OPCML: variants seen among roughly 807,000 people sequenced by gnomAD.
OPCML encodes the protein opioid binding protein/cell adhesion molecule like, also known as opioid-binding protein/cell adhesion molecule.
Under a neutral mutation model 37.8 loss-of-function variants are expected in OPCML, and 13 were observed. That is an observed-to-expected ratio of 0.34 (90% confidence interval 0.22 to 0.55). The LOEUF is 0.55. Ranked by LOEUF, OPCML falls within the 20% of genes least tolerant of loss-of-function variation. OPCML has a pLI of 0.91. For missense variants in OPCML, 341 were observed against 435.6 expected (o/e 0.78, Z 1.93); for synonymous variants, 176 against 168.8 (o/e 1.04, Z -0.33).
intron 2 of OPCML, among the ~76,000 whole-genome samples, chr11:132,783,018 A>G (rs1007963851): frequency 5.3e-5 from 8 of 150,970 alleles, no homozygotes; most frequent in Non-Finnish European, 7.4e-5. Flanking sequence ...TAGAGCAGAA[A>G]TCTGATTTTT....
At chr11:133,126,919 GGAGA>G (rs142632562) in intron 1 of OPCML, among the ~76,000 whole-genome samples, 1,940 of 152,276 alleles carry the variant, frequency 0.013, 36 homozygotes, top group African/African-American at 0.045. Context: ...GGGCAGGTAG[GGAGA>G]GATATGGTTC....
intron 1 of OPCML, among the ~76,000 whole-genome samples, chr11:133,042,568 C>G (rs1229745900): frequency 6.6e-6 from 1 of 152,142 alleles, no homozygotes; most frequent in African/African-American, 2.4e-5. Context: ...GGACTCTAAT[C>G]CCAAACACAG....
At chr11:132,587,874 A>G (rs960430172) in intron 3 of OPCML, among the ~76,000 whole-genome samples, 1 of 152,160 alleles carries the variant, frequency 6.6e-6, no homozygotes, top group African/African-American at 2.4e-5. Context: ...GAGACCAAAG[A>G]GTAGAAGTAG....
At chr11:133,292,672 T>G (rs1272022321) in intron 1 of OPCML, among the ~76,000 whole-genome samples, 1 of 152,170 alleles carries the variant, frequency 6.6e-6, no homozygotes, top group Non-Finnish European at 1.5e-5. Context: ...AAAACATGTC[T>G]TAATAAACTG....
At chr11:132,835,624 T>C (rs1940959451) in intron 2 of OPCML, among the ~76,000 whole-genome samples, 1 of 152,212 alleles carries the variant, frequency 6.6e-6, no homozygotes, top group South Asian at 2.1e-4. Flanking sequence ...TACAATCAAG[T>C]CATGGTGGGA....
chr11:133,008,147 G>A, intron 1 of OPCML: 1 of 985,398 alleles, frequency 1.0e-6, no homozygotes, highest in Non-Finnish European at 1.2e-6. Context: ...GCAGAAAGAT[G>A]GCTTTAAAAT....
At chr11:133,062,825 C>CT (rs1250149328) in intron 1 of OPCML, among the ~76,000 whole-genome samples, 2 of 152,246 alleles carry the variant, frequency 1.3e-5, no homozygotes, top group Admixed American at 6.5e-5. Context: ...GCCCCTGAGC[C>CT]TCTGCCTTGC....
chr11:133,025,965 C>T, intron 1 of OPCML: 2 of 587,118 alleles, frequency 3.4e-6, no homozygotes, highest in Non-Finnish European at 4.3e-6. Context: ...GAACTCCTGA[C>T]CTCAGGTGAT....
chr11:133,188,525 A>G (rs1442345875), intron 1 of OPCML, among the ~76,000 whole-genome samples: 6 of 152,344 alleles, frequency 3.9e-5, no homozygotes, highest in African/African-American at 1.4e-4. Context: ...AAAATAGAAG[A>G]TTGAATTAAA....
At chr11:132,697,147 T>C (rs1205799667) in intron 2 of OPCML, among the ~76,000 whole-genome samples, 4 of 152,184 alleles carry the variant, frequency 2.6e-5, no homozygotes, top group Non-Finnish European at 5.9e-5. Context: ...TGAGGTATAA[T>C]TGACAAAGAA....
intron 1 of OPCML, among the ~76,000 whole-genome samples, chr11:133,239,416 G>A (rs1940641859): frequency 1.3e-5 from 2 of 152,230 alleles, no homozygotes; most frequent in Non-Finnish European, 2.9e-5. Context: ...AGACAGGGGA[G>A]TGACATTTGA....
At chr11:132,542,886 C>A (rs1183030680) in intron 3 of OPCML, among the ~76,000 whole-genome samples, 1 of 152,194 alleles carries the variant, frequency 6.6e-6, no homozygotes, top group Non-Finnish European at 1.5e-5. Context: ...AAGATTAGAT[C>A]ACTGTGCCTC....
intron 2 of OPCML, among the ~76,000 whole-genome samples, chr11:132,932,051 T>A (rs1477421274): frequency 6.6e-6 from 1 of 152,134 alleles, no homozygotes; most frequent in Non-Finnish European, 1.5e-5. Context: ...ATACCAATTA[T>A]CTGAGGTACC....
At chr11:132,515,935 G>T (rs565264048) in intron 4 of OPCML, among the ~76,000 whole-genome samples, 3 of 152,276 alleles carry the variant, frequency 2.0e-5, no homozygotes, top group South Asian at 2.1e-4. Context: ...ACTGGATGGC[G>T]TAAGATGGTA....
At chr11:133,428,708 A>T (rs373935670) in intron 1 of OPCML, among the ~76,000 whole-genome samples, 1 of 152,200 alleles carries the variant, frequency 6.6e-6, no homozygotes, top group Non-Finnish European at 1.5e-5. Flanking sequence ...ATGAAGAGGC[A>T]TACTACATTC....
Position 133,275,352 on chromosome 11 carries a change from G to A in OPCML, c.61+256912C>T, listed in dbSNP as rs1941963651. Among the ~76,000 whole-genome samples, 4 of 152,246 alleles carry A rather than the reference G, an allele frequency of 2.6e-5. No homozygotes were observed. The South Asian group carries it at 8.3e-4, about 32-fold the overall frequency. ...TTTTTTTATTTTGCCAAGTAACAGTGTCTACTTCTTCTCATCATTAATTCT... is the reference window on the plus strand; with the variant it reads ...TTTTTTTATTTTGCCAAGTAACAGTATCTACTTCTTCTCATCATTAATTCT... On this transcript the variant is annotated intron_variant, in intron 1 of 7. Transcript: ENST00000524381.
chr11:133,072,673 G>A (rs191041318), intron 1 of OPCML, among the ~76,000 whole-genome samples: 46 of 152,252 alleles, frequency 3.0e-4, no homozygotes, highest in Non-Finnish European at 5.4e-4. Flanking sequence ...AGAGGAGTTC[G>A]GTTGACTATG....
chr11:133,274,842 G>A (rs1484956555), intron 1 of OPCML, among the ~76,000 whole-genome samples: 1 of 152,190 alleles, frequency 6.6e-6, no homozygotes, highest in East Asian at 1.9e-4. Flanking sequence ...TGCTGTAGAA[G>A]ACAAAGAGAC....
intron 1 of OPCML, among the ~76,000 whole-genome samples, chr11:133,495,081 G>A (rs978859330): frequency 3.3e-5 from 5 of 151,838 alleles, no homozygotes; most frequent in Admixed American, 6.6e-5. Flanking sequence ...CCAAGTCACC[G>A]AAGTTCATTG....
Sources: gnomAD v4.1 joint callset for allele counts (sites outside exome capture counted in the v4.1 genomes callset) on GRCh38, gnomAD v4.1.1 for gene constraint, MANE v1.5 for transcripts, NCBI Gene and HGNC (gene_info 2026-07-23, HGNC 2026-07-21) for gene names.